Variants in LRRTM4 observed in about 807,000 individuals in gnomAD.
LRRTM4 encodes the protein leucine rich repeat transmembrane neuronal 4.
Under a neutral mutation model 47.6 loss-of-function variants are expected in LRRTM4, and 25 were observed. The ratio of observed to expected loss-of-function variants is 0.53; its 90% CI spans 0.38 to 0.73. LRRTM4 has a LOEUF of 0.73. Ranked by LOEUF, LRRTM4 falls within the 30% of genes least tolerant of loss-of-function variation. The pLI is 0.00. For missense variants in LRRTM4, 638 were observed against 713.4 expected (o/e 0.89, Z 1.20); for synonymous variants, 311 against 269.5 (o/e 1.15, Z -1.51).
At chr2:77,249,489 T>TA (rs34249922) in intron 3 of LRRTM4, among the ~76,000 whole-genome samples, 20 of 150,374 alleles carry the variant, frequency 1.3e-4, no homozygotes, top group South Asian at 4.2e-4. Flanking sequence ...TTGAAAATAT[T>TA]AAAAAAAAAA....
chr2:76,894,165 C>G (rs766738542), intron 3 of LRRTM4, among the ~76,000 whole-genome samples: 1 of 151,920 alleles, frequency 6.6e-6, no homozygotes, highest in African/African-American at 2.4e-5. Flanking sequence ...ATTTTTTATT[C>G]TCTAAAATTA....
At chr2:77,134,199 T>C (rs1366248039) in intron 3 of LRRTM4, among the ~76,000 whole-genome samples, 1 of 152,100 alleles carries the variant, frequency 6.6e-6, no homozygotes, top group Non-Finnish European at 1.5e-5. Context: ...AACTAACACA[T>C]TTTTGTTCTA....
intron 3 of LRRTM4, among the ~76,000 whole-genome samples, chr2:77,266,701 A>G (rs2104057070): frequency 6.6e-6 from 1 of 152,256 alleles, no homozygotes; most frequent in African/African-American, 2.4e-5. Context: ...TGAAAGGCCC[A>G]GTGTTTCTGA....
chr2:77,350,725 T>G (rs1451770290), intron 3 of LRRTM4, among the ~76,000 whole-genome samples: 3 of 151,864 alleles, frequency 2.0e-5, no homozygotes, highest in African/African-American at 7.3e-5. Flanking sequence ...GGACAAACAA[T>G]CTAAAGGAAA....
intron 3 of LRRTM4, among the ~76,000 whole-genome samples, chr2:76,996,849 T>C (rs1319602785): frequency 2.0e-5 from 3 of 152,128 alleles, no homozygotes; most frequent in Non-Finnish European, 4.4e-5. Context: ...CTGAGAGTCA[T>C]ACCTATTGCA....
At chr2:76,749,597 GTTA>G (rs1300079757) in intron 3 of LRRTM4, among the ~76,000 whole-genome samples, 2 of 152,096 alleles carry the variant, frequency 1.3e-5, no homozygotes, top group African/African-American at 2.4e-5. Context: ...AATATGTAAT[GTTA>G]TTATTGGTTT....
At chr2:76,824,829 A>T (rs1671148103) in intron 3 of LRRTM4, among the ~76,000 whole-genome samples, 1 of 151,604 alleles carries the variant, frequency 6.6e-6, no homozygotes. Context: ...GAATGAATAG[A>T]GTTTGAGTGA....
chr2:77,090,315 G>T (rs1338156897), intron 3 of LRRTM4, among the ~76,000 whole-genome samples: 1 of 152,028 alleles, frequency 6.6e-6, no homozygotes, highest in Non-Finnish European at 1.5e-5. Flanking sequence ...TAAAAATCCA[G>T]CCCAGTTCAT....
At position 77,209,050 on chromosome 2, in the gene LRRTM4, T is replaced by C. The variant is rs148443904; in HGVS notation, c.1551+309268A>G. On this transcript the variant is annotated intron_variant, in intron 3 of 3. Coordinates refer to ENST00000409884, the MANE Select transcript of LRRTM4 (RefSeq NM_001134745.3). ...TCCCCTCCCTTTCTATTGTCTAAAC[T>C]ACCCAAGCTGTCCTATCACCAGCGC... 3.3e-5 allele frequency among the ~76,000 whole-genome samples: 5 copies of C among 152,250 alleles called. No homozygotes were observed. The East Asian group carries it at 9.7e-4, about 29-fold the overall frequency.
At chr2:77,098,199 C>T (rs947037242) in intron 3 of LRRTM4, among the ~76,000 whole-genome samples, 5 of 151,966 alleles carry the variant, frequency 3.3e-5, no homozygotes, top group African/African-American at 4.8e-5. Context: ...TGGAAGAAGG[C>T]GGCCACGATT....
At chr2:76,804,301 A>AC (rs1236100880) in intron 3 of LRRTM4, among the ~76,000 whole-genome samples, 1 of 152,106 alleles carries the variant, frequency 6.6e-6, no homozygotes, top group African/African-American at 2.4e-5. Context: ...ATCCTTTGGG[A>AC]CTATGTATCA....
At chr2:77,453,176 A>ATTTTTTT (rs1162461607) in intron 3 of LRRTM4, among the ~76,000 whole-genome samples, 23 of 99,526 alleles carry the variant, frequency 2.3e-4, no homozygotes, top group East Asian at 6.0e-4. Flanking sequence ...TTTCTTCTTG[A>ATTTTTTT]TTTTTTTTTT....
intron 3 of LRRTM4, among the ~76,000 whole-genome samples, chr2:77,486,169 G>T (rs1425271319): frequency 3.3e-5 from 5 of 152,264 alleles, no homozygotes; most frequent in Admixed American, 1.3e-4. Flanking sequence ...GCTTCACATT[G>T]ATTGGAATAT....
At chr2:77,285,415 A>G (rs978549563) in intron 3 of LRRTM4, among the ~76,000 whole-genome samples, 26 of 146,326 alleles carry the variant, frequency 1.8e-4, no homozygotes, top group African/African-American at 6.3e-4. Flanking sequence ...GCAAGCAAAT[A>G]TTAGAGAAAT....
chr2:77,206,153 C>T (rs1674118757), intron 3 of LRRTM4, among the ~76,000 whole-genome samples: 3 of 150,226 alleles, frequency 2.0e-5, no homozygotes, highest in African/African-American at 7.4e-5. Flanking sequence ...GTCTTCTTTG[C>T]CAATACACTG....
intron 3 of LRRTM4, among the ~76,000 whole-genome samples, chr2:76,965,837 T>G: frequency 6.6e-6 from 1 of 151,438 alleles, no homozygotes; most frequent in East Asian, 1.9e-4. Context: ...AATTAAAAAC[T>G]ATGCAAATGA....
intron 3 of LRRTM4, among the ~76,000 whole-genome samples, chr2:77,032,336 C>T (rs1678689624): frequency 6.6e-6 from 1 of 152,052 alleles, no homozygotes; most frequent in Non-Finnish European, 1.5e-5. Context: ...AATAACAACT[C>T]CAAGCTTATT....
chr2:76,992,081 A>C (rs1480999844), intron 3 of LRRTM4, among the ~76,000 whole-genome samples: 2 of 151,822 alleles, frequency 1.3e-5, no homozygotes, highest in Non-Finnish European at 2.9e-5. Context: ...AATACAATTT[A>C]ACATCCCTGC....
At chr2:76,850,746 C>T (rs1018231850) in intron 3 of LRRTM4, among the ~76,000 whole-genome samples, 6 of 152,080 alleles carry the variant, frequency 3.9e-5, no homozygotes, top group African/African-American at 1.2e-4. Flanking sequence ...CTTCATAGCA[C>T]CTGATCCAAT....
Sources: allele counts gnomAD v4.1 joint callset (sites outside exome capture counted in the v4.1 genomes callset), GRCh38; gene constraint gnomAD v4.1.1; transcripts MANE v1.5; gene names NCBI Gene and HGNC (gene_info 2026-07-23, HGNC 2026-07-21).